Variants in TBC1D9B observed in about 807,000 individuals in gnomAD.
TBC1D9B encodes TBC1 domain family, member 9B (with GRAM domain).
Under a neutral mutation model 121.1 loss-of-function variants are expected in TBC1D9B, and 87 were observed. That is an observed-to-expected ratio of 0.72 (90% CI 0.60 to 0.86). TBC1D9B has a LOEUF of 0.86. TBC1D9B is among the 40% of genes least tolerant of loss of function. The pLI, the probability that TBC1D9B is intolerant of heterozygous loss-of-function variation, is 0.00. For synonymous variants in TBC1D9B, 668 were observed against 670.1 expected (o/e 1.00, Z 0.05); for missense variants, 1,540 against 1,628.6 (o/e 0.95, Z 0.94).
chr5:179,872,750 T>C (rs910401290), intron 14 of TBC1D9B, 142 bp downstream of exon 14: 1 of 746,180 alleles, frequency 1.3e-6, no homozygotes, highest in Non-Finnish European at 2.2e-6. Flanking sequence ...TGGATCCCGG[T>C]CCCATGAATC....
In TBC1D9B at chr5:179,863,814, CT is replaced by C. The variant is rs771729432; in HGVS notation, c.3335del (p.Glu1112GlyfsTer80). 6.2e-7 allele frequency: 1 copy of C among 1,613,734 alleles called. No homozygotes were observed. The highest frequency in any genetic ancestry group is 8.5e-7 in the Non-Finnish European group (1 of 1,179,974). On this transcript the variant is annotated frameshift_variant, in exon 21 of 21. Transcript: ENST00000355235. LOFTEE classifies it low-confidence loss of function (END_TRUNC). This position sits in a 1 kb window ranked among gnomAD's most constrained non-coding sequence, Gnocchi z 4.5. Reference sequence around the variant, plus strand: ...AGCCCTGTCCCTCGCCGCTGCCCCCCTCCACCACCACCTGGCTCTCCTGTGG... The same window carrying C: ...AGCCCTGTCCCTCGCCGCTGCCCCCCCCACCACCACCTGGCTCTCCTGTGG... ...KAPQESQVVVEGGSGEGQGSP... is the reference protein window; with the variant it reads ...KAPQESQVVVXGGSGEGQGSP...
chr5:179,866,129 C>T (rs1760000055), intron 18 of TBC1D9B: 2 of 515,614 alleles, frequency 3.9e-6, no homozygotes, highest in Non-Finnish European at 6.9e-6. Flanking sequence ...CCGCCAAACC[C>T]TCAATTCCTT....
Position 179,907,602 on chromosome 5 carries a change from G to T in TBC1D9B, c.118+102C>A, listed in dbSNP as rs1761361081. On this transcript the variant is annotated intron_variant, in intron 1 of 20. Coordinates refer to ENST00000355235, the MANE Select transcript of TBC1D9B (RefSeq NM_015043.4). This position sits in a 1 kb window ranked among gnomAD's most constrained non-coding sequence, Gnocchi z 5.3. ...CTGGCGTGCGTGTCCGCCGCGACGC[G>T]CCGAGGCCGGGCCGGAACCGGACCC... 1.7e-6 allele frequency: 1 copy of T among 599,796 alleles called. No homozygotes were observed. 37.2% of individuals were successfully genotyped at this position (599,796 alleles called of 1,614,324 possible).
Position 179,891,606 on chromosome 5 carries a change from G to C in TBC1D9B, c.837-20C>G, listed in dbSNP as rs1486169615. The C allele has an allele frequency of 5.0e-6, 8 of 1,609,368 alleles. No individual in the cohort carries two copies. Among genetic ancestry groups the C allele is most frequent in the Non-Finnish European group, 6.8e-6 (8 of 1,178,890 alleles). On this transcript the variant is annotated intron_variant, in intron 5 of 20. Coordinates refer to ENST00000355235, the MANE Select transcript of TBC1D9B (RefSeq NM_015043.4). The surrounding 1 kb of genome is among the most constrained non-coding windows in gnomAD (Gnocchi z 4.3). Reference sequence around the variant, plus strand: ...AGGTCTCTGGGGAAACAAGGTAGGAGGACAGGAGGAAAGGGGACAAGGTCA... The same window carrying C: ...AGGTCTCTGGGGAAACAAGGTAGGACGACAGGAGGAAAGGGGACAAGGTCA...
chr5:179,906,183 A>G (rs1349076498), intron 1 of TBC1D9B, among the ~76,000 whole-genome samples: 1 of 152,184 alleles, frequency 6.6e-6, no homozygotes, highest in African/African-American at 2.4e-5. Flanking sequence ...GCTCCTCTTC[A>G]GGGAGGACAG....
chr5:179,879,517 A>G (rs10073754), intron 8 of TBC1D9B, 111 bp downstream of exon 8: 203,614 of 1,524,194 alleles, frequency 0.13, 14,298 homozygotes, highest in Middle Eastern at 0.23. Flanking sequence ...GGCACTGCCC[A>G]GCGGTCAGCC....
chr5:179,892,473 G>T (rs27410), intron 5 of TBC1D9B, among the ~76,000 whole-genome samples: 1 of 152,080 alleles, frequency 6.6e-6, no homozygotes, highest in African/African-American at 2.4e-5. Flanking sequence ...GTGGGACCCA[G>T]GGAACCTCAG....
intron 2 of TBC1D9B, among the ~76,000 whole-genome samples, chr5:179,900,093 A>G (rs1345865428): frequency 6.6e-6 from 1 of 152,078 alleles, no homozygotes; most frequent in Admixed American, 6.6e-5. Flanking sequence ...GGTGGCATGC[A>G]CCTGTGGTCC....
chr5:179,903,004 G>C (rs1038785150), intron 2 of TBC1D9B, among the ~76,000 whole-genome samples: 1 of 152,146 alleles, frequency 6.6e-6, no homozygotes, highest in African/African-American at 2.4e-5. Context: ...CCGGGGTGCC[G>C]CCCGCCCTGT....
Position 179,902,670 on chromosome 5 carries a change from A to G in TBC1D9B, c.229+2032T>C, listed in dbSNP as rs187941. On this transcript the variant is annotated intron_variant, in intron 2 of 20. Transcript: ENST00000355235. The surrounding 1 kb of genome is among the most constrained non-coding windows in gnomAD (Gnocchi z 4.9). ...CCCTCGTACTTTTCTCTCCCCAGGGACGGGCAGCTCTTGCTGCCAGAGATG... is the reference window on the plus strand; with the variant it reads ...CCCTCGTACTTTTCTCTCCCCAGGGGCGGGCAGCTCTTGCTGCCAGAGATG... Among the ~76,000 whole-genome samples, 2 of 152,140 alleles carry G rather than the reference A, an allele frequency of 1.3e-5. No homozygotes were observed. The highest frequency in any genetic ancestry group is 4.8e-5 in the African/African-American group (2 of 41,432).
chr5:179,905,679 T>C (rs1376016320), intron 1 of TBC1D9B, among the ~76,000 whole-genome samples: 1 of 152,342 alleles, frequency 6.6e-6, no homozygotes, highest in African/African-American at 2.4e-5. Context: ...GCAGGAAATA[T>C]ATAGCTTTTA....
intron 3 of TBC1D9B, 65 bp from the exon 4 acceptor site, chr5:179,894,679 A>G (rs925346131): frequency 8.9e-5 from 139 of 1,555,996 alleles, no homozygotes; most frequent in Non-Finnish European, 1.2e-4. Flanking sequence ...AGGGTGGAGC[A>G]GAGAGGCCCA....
intron 7 of TBC1D9B, among the ~76,000 whole-genome samples, chr5:179,882,421 T>C (rs1485661091): frequency 6.6e-6 from 1 of 152,246 alleles, no homozygotes. Context: ...CTTGGTTATC[T>C]GGAGTCTGTT....
chr5:179,884,111 C>T (rs1760610697), intron 7 of TBC1D9B, among the ~76,000 whole-genome samples: 2 of 152,070 alleles, frequency 1.3e-5, no homozygotes, highest in South Asian at 2.1e-4. Flanking sequence ...TTTCCTCAGC[C>T]GTATAATACG....
chr5:179,879,234 A>AGCGCAT, intron 8 of TBC1D9B, 37 bp from the exon 9 acceptor site: 1 of 1,582,194 alleles, frequency 6.3e-7, no homozygotes, highest in Non-Finnish European at 8.5e-7. Context: ...TGGGGGCCGA[A>AGCGCAT]GCGCATCTGA....
chr5:179,873,171 T>A lies in TBC1D9B; in HGVS notation c.2264A>T (p.Asp755Val), dbSNP rs1470124059. 1.2e-6 allele frequency: 2 copies of A among 1,613,114 alleles called. No individual in the cohort carries two copies. The highest frequency in any genetic ancestry group is 2.7e-5 in the African/African-American group (2 of 74,944). ...GATGTCCACCTCTGCAGGGGGGTCA[T>A]CGCTGCTGCTCAGCAAGGCACGGAG... is the stretch of plus-strand genomic sequence containing the variant. ...PHLRALLSSS[D>V]DPPAEVDIFE... is the part of the protein sequence containing the mutation. The change falls in exon 13 of 21, where the codon GAT (aspartate) becomes GTT (valine). Residue 755 changes from aspartate to valine, a missense_variant. Physicochemically the swap from Asp to Val is radical, Grantham distance 152. Transcript: ENST00000355235.
In TBC1D9B at chr5:179,872,993, A is replaced by G. The variant is rs1381107744; in HGVS notation, c.2317-3T>C. On this transcript the variant is annotated splice_polypyrimidine_tract_variant and splice_region_variant and intron_variant, in intron 13 of 20. Transcript: ENST00000355235. ...TCGGCCCTCAGGCTGCTGAATTTCT[A>G]TAGGGAGAGGTGACTTGGTGAGATC... 14 of 1,613,946 alleles carry G rather than the reference A, an allele frequency of 8.7e-6. No homozygotes were observed. Among genetic ancestry groups the G allele is most frequent in the Non-Finnish European group, 1.1e-5 (13 of 1,179,992 alleles).
At position 179,893,554 on chromosome 5, in the gene TBC1D9B, G is replaced by A. The variant is rs111399125; in HGVS notation, c.578-87C>T. 119 of 1,502,384 alleles carry A rather than the reference G, an allele frequency of 7.9e-5. No homozygotes were observed. The African/African-American group carries it at 1.2e-3, about 16-fold the overall frequency. The allele number at this position is 1,502,384 out of a possible 1,614,324, so 93.1% of individuals were successfully genotyped here. On this transcript the variant is annotated intron_variant, in intron 4 of 20. Coordinates refer to ENST00000355235, the MANE Select transcript of TBC1D9B (RefSeq NM_015043.4). ...CCATCTGTACCCCAGACCCATCCCAGGGAACTGCTCTCTGGGGGCAGCACT... is the reference window on the plus strand; with the variant it reads ...CCATCTGTACCCCAGACCCATCCCAAGGAACTGCTCTCTGGGGGCAGCACT...
intron 2 of TBC1D9B, among the ~76,000 whole-genome samples, chr5:179,903,881 G>C (rs1761229647): frequency 6.6e-6 from 1 of 152,224 alleles, no homozygotes; most frequent in African/African-American, 2.4e-5. Flanking sequence ...TATGAGAGCT[G>C]AATCAAGAAG....
Sources: allele counts gnomAD v4.1 joint callset (sites outside exome capture counted in the v4.1 genomes callset), GRCh38; gene constraint gnomAD v4.1.1; non-coding constraint Gnocchi (gnomAD v3.1); transcripts MANE v1.5; gene names NCBI Gene and HGNC (gene_info 2026-07-23, HGNC 2026-07-21).